GLIS3: variants seen among roughly 807,000 people sequenced by gnomAD.
GLIS3 encodes the protein zinc finger protein GLIS3.
In GLIS3, 53 loss-of-function variants were observed where a neutral mutation model predicts 78.6. The observed-to-expected ratio is 0.67, with a 90% CI of 0.54 to 0.85. The LOEUF is 0.85. GLIS3 is among the 40% of genes least tolerant of loss of function. The probability of loss-of-function intolerance (pLI) is 0.00; values close to 1 mark genes in which losing one functional copy is unlikely to be tolerated. For missense variants in GLIS3, 1,703 were observed against 1,231.1 expected (o/e 1.38, Z -5.74); for synonymous variants, 684 against 509.9 (o/e 1.34, Z -4.60).
chr9:4,209,296 G>A (rs1164657974), intron 2 of GLIS3, among the ~76,000 whole-genome samples: 2 of 152,134 alleles, frequency 1.3e-5, no homozygotes, highest in Non-Finnish European at 1.5e-5. Context: ...TTCAACAGGT[G>A]CTTGTGCTAC....
At chr9:3,920,207 G>A (rs1054364339) in intron 6 of GLIS3, among the ~76,000 whole-genome samples, 1 of 152,028 alleles carries the variant, frequency 6.6e-6, no homozygotes, top group African/African-American at 2.4e-5. Flanking sequence ...GTTTCTCCGT[G>A]TTAGCCAGGA....
the GLIS3 span, among the ~76,000 whole-genome samples, chr9:4,463,990 A>C: frequency 2.0e-5 from 3 of 152,236 alleles, no homozygotes; most frequent in Non-Finnish European, 2.9e-5. Flanking sequence ...CATAGATGCA[A>C]GTTGAAAGAA....
intron 2 of GLIS3, chr9:4,145,084 A>G (rs900415885): frequency 1.3e-5 from 2 of 152,236 alleles, no homozygotes; most frequent in Non-Finnish European, 2.9e-5. Context: ...CATAAAGGTA[A>G]GGCAGATGCT....
intron 4 of GLIS3, among the ~76,000 whole-genome samples, chr9:4,010,138 G>A (rs542973537): frequency 3.9e-5 from 6 of 152,242 alleles, no homozygotes; most frequent in African/African-American, 1.4e-4. Flanking sequence ...GGTGGGGTGA[G>A]GGCAGGGGTA....
intron 2 of GLIS3, among the ~76,000 whole-genome samples, chr9:4,201,639 A>C (rs1191308285): frequency 1.3e-5 from 2 of 152,234 alleles, no homozygotes; most frequent in African/African-American, 4.8e-5. Flanking sequence ...GAGCTAAAAA[A>C]TATCTACAAC....
chr9:4,070,855 G>C (rs373747333), intron 4 of GLIS3: 19 of 152,122 alleles, frequency 1.2e-4, no homozygotes, highest in African/African-American at 4.1e-4. Context: ...AGGTATAAAA[G>C]CCTAGGTAAG....
At chr9:4,473,460 C>CAAAAAAAAAAAAAAAAAA in the GLIS3 span, among the ~76,000 whole-genome samples, 26 of 131,272 alleles carry the variant, frequency 2.0e-4, no homozygotes, top group Non-Finnish European at 3.3e-4. Context: ...ACAACAACAA[C>CAAAAAAAAAAAAAAAAAA]AAAAAAAAAG....
intron 7 of GLIS3, among the ~76,000 whole-genome samples, chr9:3,880,575 C>CAAAG (rs368078183): frequency 2.0e-5 from 3 of 152,112 alleles, no homozygotes; most frequent in Admixed American, 6.5e-5. Flanking sequence ...CTACTAATAT[C>CAAAG]AAAGAATAAA....
At chr9:4,326,760 A>C (rs757616356) in intron 2 of GLIS3, among the ~76,000 whole-genome samples, 5 of 152,218 alleles carry the variant, frequency 3.3e-5, no homozygotes, top group Non-Finnish European at 7.3e-5. Flanking sequence ...AAAAAAAATG[A>C]GAGAGAATTG....
intron 4 of GLIS3, among the ~76,000 whole-genome samples, chr9:4,067,380 G>C (rs894859107): frequency 1.3e-5 from 2 of 151,818 alleles, no homozygotes; most frequent in African/African-American, 4.8e-5. Flanking sequence ...CTCCTGATTG[G>C]AACCTGACTG....
At chr9:4,417,322 T>A in the GLIS3 span, among the ~76,000 whole-genome samples, 5 of 152,224 alleles carry the variant, frequency 3.3e-5, no homozygotes, top group Non-Finnish European at 7.3e-5. Context: ...ACATGGTAAC[T>A]GAATTTTGTT....
the GLIS3 span, among the ~76,000 whole-genome samples, chr9:4,364,876 T>C: frequency 1.3e-5 from 2 of 148,596 alleles, no homozygotes. Flanking sequence ...CTTCAACTCC[T>C]GGGCTCAAGC....
chr9:4,296,926 A>C (rs2130443477), intron 1 of GLIS3, among the ~76,000 whole-genome samples: 1 of 115,438 alleles, frequency 8.7e-6, no homozygotes, highest in Admixed American at 9.0e-5. Flanking sequence ...AAAAAAAAAA[A>C]ATGCATATAA....
At chr9:3,887,334 G>T (rs1822147392) in intron 7 of GLIS3, among the ~76,000 whole-genome samples, 3 of 152,298 alleles carry the variant, frequency 2.0e-5, no homozygotes, top group Admixed American at 6.5e-5. Context: ...ACATATTCAT[G>T]TCACCTGATG....
At chr9:4,200,343 C>T (rs2131260932) in intron 2 of GLIS3, among the ~76,000 whole-genome samples, 1 of 151,444 alleles carries the variant, frequency 6.6e-6, no homozygotes, top group African/African-American at 2.4e-5. Context: ...CCCAGAAATC[C>T]ATAAAGAATC....
At chr9:4,078,777 T>C (rs374882744) in intron 4 of GLIS3, among the ~76,000 whole-genome samples, 1 of 152,216 alleles carries the variant, frequency 6.6e-6, no homozygotes, top group Non-Finnish European at 1.5e-5. Flanking sequence ...ATGAAAGTTT[T>C]GGCTCCAGGC....
At chr9:4,359,542 C>A in the GLIS3 span, among the ~76,000 whole-genome samples, 1 of 152,168 alleles carries the variant, frequency 6.6e-6, no homozygotes, top group African/African-American at 2.4e-5. Flanking sequence ...GGAATAATAG[C>A]TTCTGACTGT....
intron 2 of GLIS3, among the ~76,000 whole-genome samples, chr9:4,252,474 C>T (rs7035237): frequency 0.8 from 121,746 of 151,946 alleles, 49,420 homozygotes; most frequent in East Asian, 0.99. Flanking sequence ...TATGTTCTCT[C>T]TAAACTTATT....
intron 4 of GLIS3, among the ~76,000 whole-genome samples, chr9:4,022,832 T>G (rs535634527): frequency 6.6e-6 from 1 of 152,290 alleles, no homozygotes; most frequent in South Asian, 2.1e-4. Context: ...AAGTATACAC[T>G]ATATGATACC....
Sources: allele counts gnomAD v4.1 joint callset (sites outside exome capture counted in the v4.1 genomes callset), GRCh38; gene constraint gnomAD v4.1.1; transcripts MANE v1.5; gene names NCBI Gene and HGNC (gene_info 2026-07-23, HGNC 2026-07-21).